ELMO1: variants seen among roughly 807,000 people sequenced by gnomAD.
The protein encoded by ELMO1 is engulfment and cell motility 1, also known as engulfment and cell motility protein 1.
A neutral mutation model predicts 98.9 loss-of-function variants in ELMO1; 26 were observed. The observed-to-expected ratio is 0.26, with a 90% confidence interval of 0.19 to 0.36. The LOEUF (loss-of-function observed/expected upper bound fraction) is 0.36. ELMO1 is among the 10% of genes least tolerant of loss of function. The pLI, the probability that ELMO1 is intolerant of heterozygous loss-of-function variation, is 1.00. For missense variants in ELMO1, 627 were observed against 935.2 expected, an observed-to-expected ratio of 0.67 and a Z score of 4.30; for synonymous variants, 346 against 346.0, an observed-to-expected ratio of 1.00 and a Z score of 0.00.
intron 15 of ELMO1, among the ~76,000 whole-genome samples, chr7:37,053,008 G>T (rs1197464478): frequency 6.6e-6 from 1 of 152,304 alleles, no homozygotes; most frequent in Middle Eastern, 3.4e-3. Flanking sequence ...CAGGCAGAAA[G>T]AATCCAGTTC....
intron 1 of ELMO1, among the ~76,000 whole-genome samples, chr7:37,448,263 C>T (rs1008008219): frequency 6.6e-6 from 1 of 152,022 alleles, no homozygotes; most frequent in African/African-American, 2.4e-5. Flanking sequence ...CCACATCCCC[C>T]GTCCCCAGTA....
chr7:37,320,611 C>T (rs951605609), intron 2 of ELMO1, among the ~76,000 whole-genome samples: 1 of 152,142 alleles, frequency 6.6e-6, no homozygotes, highest in Non-Finnish European at 1.5e-5. Flanking sequence ...GTACTTAGCA[C>T]ATTAAATTAA....
intron 13 of ELMO1, among the ~76,000 whole-genome samples, chr7:37,196,841 T>C (rs1791990990): frequency 6.6e-6 from 1 of 152,206 alleles, no homozygotes; most frequent in South Asian, 2.1e-4. Flanking sequence ...GTGTCTTGTG[T>C]CTTGTGGAGA....
At chr7:37,428,948 A>C (rs994495049) in intron 1 of ELMO1, among the ~76,000 whole-genome samples, 58 of 152,380 alleles carry the variant, frequency 3.8e-4, no homozygotes, top group African/African-American at 1.4e-3. Context: ...GAGAATAACT[A>C]GGAAATCAAC....
intron 15 of ELMO1, among the ~76,000 whole-genome samples, chr7:37,045,328 C>T (rs1795739702): frequency 6.6e-6 from 1 of 152,188 alleles, no homozygotes; most frequent in African/African-American, 2.4e-5. Flanking sequence ...GACATGGGAA[C>T]TCAGTGTGCT....
chr7:36,974,362 A>C (rs1014293028), intron 16 of ELMO1, among the ~76,000 whole-genome samples: 7 of 152,130 alleles, frequency 4.6e-5, no homozygotes, highest in Non-Finnish European at 1.0e-4. Flanking sequence ...TGTCTAGCTC[A>C]GGGATTGTAA....
chr7:37,249,752 A>G lies in ELMO1; in HGVS notation c.414-5361T>C, dbSNP rs184252912. ...TTCCAACAAAATAAATTAAATATCC[A>G]CAAAAATTTTGCTAAAAGAAAAGCT... On this transcript the variant is annotated intron_variant, in intron 6 of 21. Coordinates refer to ENST00000310758, the MANE Select transcript of ELMO1 (RefSeq NM_014800.11). Among the ~76,000 whole-genome samples the G allele has an allele frequency of 3.9e-5, 6 of 152,318 alleles. No homozygotes were observed. The East Asian group carries it at 7.7e-4, about 20-fold the overall frequency.
intron 14 of ELMO1, among the ~76,000 whole-genome samples, chr7:37,109,162 T>C (rs1027350312): frequency 3.3e-5 from 5 of 152,126 alleles, no homozygotes; most frequent in Non-Finnish European, 7.4e-5. Flanking sequence ...TTGAAGCATG[T>C]GCCTGGTGTG....
intron 16 of ELMO1, among the ~76,000 whole-genome samples, chr7:36,974,434 T>A (rs147289697): frequency 0.033 from 5,027 of 152,226 alleles, 296 homozygotes; most frequent in African/African-American, 0.11. Flanking sequence ...CAGCACCCTG[T>A]GTCTAGCTCA....
At chr7:37,141,216 T>C (rs1472684243) in intron 13 of ELMO1, among the ~76,000 whole-genome samples, 1 of 152,084 alleles carries the variant, frequency 6.6e-6, no homozygotes, top group Admixed American at 6.6e-5. Context: ...TAAAAGAGAA[T>C]GAAATAGTGG....
At chr7:37,336,463 A>G (rs1800415257) in intron 2 of ELMO1, among the ~76,000 whole-genome samples, 1 of 152,218 alleles carries the variant, frequency 6.6e-6, no homozygotes, top group South Asian at 2.1e-4. Context: ...GTTGTTATGT[A>G]TGTAGGCAGA....
intron 4 of ELMO1, among the ~76,000 whole-genome samples, chr7:37,290,400 C>A (rs1797614419): frequency 6.6e-6 from 1 of 152,124 alleles, no homozygotes; most frequent in Admixed American, 6.5e-5. Context: ...ATTATGTAAT[C>A]TCTGATACTT....
At chr7:37,035,101 C>T (rs539534954) in intron 15 of ELMO1, among the ~76,000 whole-genome samples, 1 of 152,288 alleles carries the variant, frequency 6.6e-6, no homozygotes, top group South Asian at 2.1e-4. Flanking sequence ...TTTTCCATTC[C>T]CCCATGATAG....
intron 5 of ELMO1, among the ~76,000 whole-genome samples, chr7:37,265,812 A>G (rs58695144): frequency 0.021 from 3,220 of 152,154 alleles, 111 homozygotes; most frequent in East Asian, 0.1. Context: ...TCCAGCCCAC[A>G]GCTTTAAATG....
At chr7:36,974,465 C>G (rs1432977505) in intron 16 of ELMO1, among the ~76,000 whole-genome samples, 3 of 152,158 alleles carry the variant, frequency 2.0e-5, no homozygotes, top group Admixed American at 1.3e-4. Flanking sequence ...ATGCACCAAT[C>G]GACACTCTGT....
intron 4 of ELMO1, among the ~76,000 whole-genome samples, chr7:37,289,496 A>T (rs1266576847): frequency 1.3e-5 from 2 of 152,206 alleles, no homozygotes; most frequent in African/African-American, 4.8e-5. Context: ...GGCAGCCTCA[A>T]CACTGAAGCA....
intron 15 of ELMO1, among the ~76,000 whole-genome samples, chr7:37,033,154 T>C (rs1327138773): frequency 6.6e-6 from 1 of 152,166 alleles, no homozygotes; most frequent in East Asian, 1.9e-4. Flanking sequence ...TTGAAATGCA[T>C]GCATATACGT....
intron 4 of ELMO1, among the ~76,000 whole-genome samples, chr7:37,307,850 G>A (rs999934955): frequency 1.4e-4 from 21 of 152,280 alleles, no homozygotes; most frequent in African/African-American, 4.1e-4. Flanking sequence ...GGTGGCTCAC[G>A]TCTGTAATCC....
At chr7:37,307,834 G>A (rs1412930894) in intron 4 of ELMO1, among the ~76,000 whole-genome samples, 1 of 152,174 alleles carries the variant, frequency 6.6e-6, no homozygotes, top group Non-Finnish European at 1.5e-5. Flanking sequence ...CCATGCAGCT[G>A]GGTGTGGTGG....
Sources: allele counts gnomAD v4.1 joint callset (sites outside exome capture counted in the v4.1 genomes callset), GRCh38; gene constraint gnomAD v4.1.1; transcripts MANE v1.5; gene names NCBI Gene and HGNC (gene_info 2026-07-23, HGNC 2026-07-21).